ST3GAL6: variants seen among roughly 807,000 people sequenced by gnomAD.
The protein encoded by ST3GAL6 is ST3 beta-galactoside alpha-2,3-sialyltransferase 6.
In ST3GAL6, 31 loss-of-function variants were observed where a neutral mutation model predicts 40.5. That is an observed-to-expected ratio of 0.77 (90% CI 0.58 to 1.03). ST3GAL6 has a LOEUF of 1.03. ST3GAL6 is among the 50% of genes least tolerant of loss of function. The pLI, the probability that ST3GAL6 is intolerant of heterozygous loss-of-function variation, is 0.00. For synonymous variants in ST3GAL6, 129 were observed against 136.9 expected, an observed-to-expected ratio of 0.94 and a Z score of 0.40; for missense variants, 357 against 393.2, an observed-to-expected ratio of 0.91 and a Z score of 0.78.
rs1290873359 is a variant in ST3GAL6, at chr3:98,768,464, A to G, written c.24A>G (p.Ile8Met). 3 of 1,613,930 alleles carry G rather than the reference A, an allele frequency of 1.9e-6. No individual in the cohort carries two copies. The African/African-American group carries it at 4.0e-5, about 22-fold the overall frequency. MRGYLVA[I>M]FLSAVFLYYV... ...CCATGAGAGGGTATCTTGTGGCCATATTCCTGAGTGCTGTCTTCCTCTATT... is the reference window on the plus strand; with the variant it reads ...CCATGAGAGGGTATCTTGTGGCCATGTTCCTGAGTGCTGTCTTCCTCTATT... Residue 8 changes from isoleucine to methionine, a missense_variant, in exon 2 of 10, where the codon ATA (isoleucine) becomes ATG (methionine). Physicochemically the swap from Ile to Met is conservative, Grantham distance 10. Coordinates refer to ENST00000483910, the MANE Select transcript of ST3GAL6 (RefSeq NM_001323368.2).
At chr3:98,776,490 G>T (rs149254420) in intron 5 of ST3GAL6, among the ~76,000 whole-genome samples, 1 of 152,272 alleles carries the variant, frequency 6.6e-6, no homozygotes, top group Non-Finnish European at 1.5e-5. Context: ...TTGTGAGCTG[G>T]GCCCACACGT....
At chr3:98,764,474 A>G (rs1220632018) in intron 1 of ST3GAL6, among the ~76,000 whole-genome samples, 1 of 152,188 alleles carries the variant, frequency 6.6e-6, no homozygotes, top group Non-Finnish European at 1.5e-5. Flanking sequence ...CTTTACCTCC[A>G]TTTCATCAAT....
At chr3:98,749,140 G>GTTAC (rs1280718784) in intron 1 of ST3GAL6, among the ~76,000 whole-genome samples, 4 of 152,160 alleles carry the variant, frequency 2.6e-5, no homozygotes, top group Admixed American at 1.3e-4. Context: ...AATCAACAAA[G>GTTAC]TTACCCTAGA....
At chr3:98,774,120 T>A in intron 5 of ST3GAL6, 137 bp downstream of exon 5, 1 of 640,692 alleles carries the variant, frequency 1.6e-6, no homozygotes, top group Non-Finnish European at 2.7e-6. Context: ...TTTCTAGTAG[T>A]AATTTGACAC....
At chr3:98,757,475 A>G (rs938847217) in intron 1 of ST3GAL6, among the ~76,000 whole-genome samples, 3 of 152,172 alleles carry the variant, frequency 2.0e-5, no homozygotes, top group African/African-American at 2.4e-5. Context: ...CTCAGGTTTT[A>G]CTGCCAGCAA....
intron 1 of ST3GAL6, among the ~76,000 whole-genome samples, chr3:98,765,407 T>A (rs1181616709): frequency 6.6e-6 from 1 of 152,186 alleles, no homozygotes; most frequent in Non-Finnish European, 1.5e-5. Flanking sequence ...TCCTCATTCA[T>A]CAAGAAGACA....
chr3:98,791,701 C>A lies in ST3GAL6; in HGVS notation c.757-140C>A, dbSNP rs1941219467. On this transcript the variant is annotated intron_variant, in intron 8 of 9. Coordinates refer to ENST00000483910, the MANE Select transcript of ST3GAL6 (RefSeq NM_001323368.2). The stretch of plus-strand genomic sequence containing the variant: ...ATATGCATACTCTTTGGGGCTTGAG[C>A]CTTATAATGAGAGTTTAGTTATTTC... 18 of 730,464 alleles carry A rather than the reference C, an allele frequency of 2.5e-5. No homozygotes were observed. In the East Asian group the frequency reaches 3.9e-4, roughly 16 times the overall value. The allele number at this position is 730,464 out of a possible 1,614,324, so 45.2% of individuals were successfully genotyped here. A position where few individuals can be genotyped will look rare whatever the true frequency, so the allele number is the denominator to read the frequency against.
chr3:98,785,062 T>C (rs371953819), intron 6 of ST3GAL6, 22 bp downstream of exon 6: 250 of 1,492,548 alleles, frequency 1.7e-4, no homozygotes, highest in Non-Finnish European at 2.2e-4. Flanking sequence ...TTCTATTTGC[T>C]ACCCTAGAAT....
At position 98,788,152 on chromosome 3, in the gene ST3GAL6, C is replaced by G; in HGVS notation, c.548C>G (p.Thr183Arg). The G allele has an allele frequency of 9.3e-6, 15 of 1,613,926 alleles. No individual in the cohort carries two copies. The highest frequency in any genetic ancestry group is 1.3e-5 in the Non-Finnish European group (15 of 1,179,936). ...CCTATTCACAATGACCCTAATACGA[C>G]AGTGATTCTCACTGCTTTTAAGCCA... ...SDPIHNDPNT[T>R]VILTAFKPHD... is the part of the protein sequence containing the mutation. Residue 183 changes from threonine to arginine, a missense_variant, in exon 7 of 10, where the codon ACA becomes AGA. Physicochemically the swap from Thr to Arg is moderately conservative, Grantham distance 71 (BLOSUM62 -1). Coordinates refer to ENST00000483910, the MANE Select transcript of ST3GAL6 (RefSeq NM_001323368.2).
intron 5 of ST3GAL6, among the ~76,000 whole-genome samples, chr3:98,777,938 C>T (rs1287015446): frequency 6.6e-6 from 1 of 152,176 alleles, no homozygotes; most frequent in East Asian, 1.9e-4. Context: ...CATGTAGCTC[C>T]TCAGCACCAG....
chr3:98,789,633 A>G (rs1166136940), intron 8 of ST3GAL6, among the ~76,000 whole-genome samples: 1 of 152,118 alleles, frequency 6.6e-6, no homozygotes, highest in African/African-American at 2.4e-5. Context: ...TGTAGGATGG[A>G]CTTCTGGAAG....
chr3:98,751,493 T>C (rs1937006612), intron 1 of ST3GAL6, among the ~76,000 whole-genome samples: 1 of 152,208 alleles, frequency 6.6e-6, no homozygotes. Flanking sequence ...AAAAGTGAAA[T>C]GTATATAGAG....
chr3:98,751,891 ATGTT>A, intron 1 of ST3GAL6, among the ~76,000 whole-genome samples: 1 of 152,190 alleles, frequency 6.6e-6, no homozygotes. Context: ...TCTATTTTTT[ATGTT>A]ACTATATGAT....
intron 5 of ST3GAL6, among the ~76,000 whole-genome samples, chr3:98,778,731 A>G (rs1333814952): frequency 6.6e-6 from 1 of 152,214 alleles, no homozygotes; most frequent in Non-Finnish European, 1.5e-5. Context: ...TTACTACACC[A>G]AGGTCCTAAG....
At chr3:98,756,518 G>A in intron 1 of ST3GAL6, 1 of 1,271,822 alleles carries the variant, frequency 7.9e-7, no homozygotes, top group South Asian at 1.3e-5. Context: ...GGGTCTTTAG[G>A]ACACAGATTC....
At chr3:98,759,146 C>T (rs188202857), upstream of ST3GAL6, among the ~76,000 whole-genome samples, 4 of 152,212 alleles carry the variant, frequency 2.6e-5, no homozygotes, top group Admixed American at 6.5e-5. Context: ...AGCTGCACTT[C>T]GAGGATTTTA....
chr3:98,756,698 C>G (rs1340671516), intron 1 of ST3GAL6, among the ~76,000 whole-genome samples: 3 of 152,140 alleles, frequency 2.0e-5, no homozygotes, highest in Admixed American at 1.3e-4. Context: ...AGTTTTGCAG[C>G]CTGGGGGCCT....
chr3:98,771,032 A>AT (rs768446405), intron 3 of ST3GAL6, 76 bp downstream of exon 3: 7 of 1,554,068 alleles, frequency 4.5e-6, no homozygotes, highest in South Asian at 1.1e-5. Flanking sequence ...ACACTTGTTT[A>AT]TTTTTTTAAT....
chr3:98,733,350 C>T, intron 1 of ST3GAL6: 1 of 1,091,560 alleles, frequency 9.2e-7, no homozygotes, highest in South Asian at 4.4e-5. Context: ...AGAGAATCTG[C>T]TCTGGGACCC....
Sources: allele counts gnomAD v4.1 joint callset (sites outside exome capture counted in the v4.1 genomes callset), GRCh38; gene constraint gnomAD v4.1.1; transcripts MANE v1.5; gene names NCBI Gene and HGNC (gene_info 2026-07-23, HGNC 2026-07-21).